PCDH15: variants seen among roughly 807,000 people sequenced by gnomAD.
The protein encoded by PCDH15 is protocadherin-15.
In PCDH15, 129 loss-of-function variants were observed where a neutral mutation model predicts 178.5. The ratio of observed to expected loss-of-function variants is 0.72; its 90% confidence interval spans 0.63 to 0.84. The LOEUF (loss-of-function observed/expected upper bound fraction) is 0.84. Among genes scored for constraint, PCDH15 ranks in the 40% least tolerant of loss-of-function variants. The pLI is 0.00. For missense variants in PCDH15, 2,230 were observed against 2,099.9 expected (o/e 1.06, Z -1.21); for synonymous variants, 800 against 732.0 (o/e 1.09, Z -1.50).
intron 1 of PCDH15, among the ~76,000 whole-genome samples, chr10:54,732,294 A>G (rs1206281081): frequency 5.9e-5 from 9 of 151,368 alleles, no homozygotes; most frequent in African/African-American, 2.2e-4. Flanking sequence ...AGAGCCAGAG[A>G]CAGAGCAAGT....
At chr10:54,361,689 G>A (rs934311351) in intron 5 of PCDH15, among the ~76,000 whole-genome samples, 2 of 151,822 alleles carry the variant, frequency 1.3e-5, no homozygotes, top group African/African-American at 4.8e-5. Context: ...ACTGAACCTT[G>A]AACATGATTA....
chr10:54,079,965 T>A (rs911071496), intron 16 of PCDH15, among the ~76,000 whole-genome samples: 14 of 152,130 alleles, frequency 9.2e-5, no homozygotes, highest in Non-Finnish European at 2.1e-4. Context: ...GAAAATAGAA[T>A]TTTTTCAAAT....
Position 54,137,585 on chromosome 10 carries a change from T to C in PCDH15, c.1785-4578A>G, listed in dbSNP as rs543997497. On this transcript the variant is annotated intron_variant, in intron 14 of 37. Transcript: ENST00000644397. ...AACTGAAACTCACCAGATCACCACATCCGATGAGATGCCAGACCCGTCATT... is the reference window on the plus strand; with the variant it reads ...AACTGAAACTCACCAGATCACCACACCCGATGAGATGCCAGACCCGTCATT... 2.0e-5 allele frequency among the ~76,000 whole-genome samples: 3 copies of C among 152,190 alleles called. No homozygotes were observed. The East Asian group carries it at 5.8e-4, about 29-fold the overall frequency.
rs113195328 is a variant in PCDH15, at chr10:55,236,969, A to G, written c.-155-70318T>C. 4.1e-3 allele frequency among the ~76,000 whole-genome samples: 631 copies of G among 152,208 alleles called. 9 individuals are homozygous for G. The highest frequency in any genetic ancestry group is 0.014 in the African/African-American group (588 of 41,582). On this transcript the variant is annotated intron_variant, in intron 1 of 5. Coordinates refer to the PCDH15 transcript ENST00000458638. ...TTCTATTCAAAAGTCACGTGTACGC[A>G]TCACTGGATCTTATTTTGCAACAGT...
intron 1 of PCDH15, among the ~76,000 whole-genome samples, chr10:54,739,048 G>C (rs1212898827): frequency 6.6e-6 from 1 of 151,910 alleles, no homozygotes; most frequent in Non-Finnish European, 1.5e-5. Flanking sequence ...ACACAGCATT[G>C]GAAGTTCTAG....
At chr10:55,307,119 T>C (rs934679590) in intron 1 of PCDH15, among the ~76,000 whole-genome samples, 3 of 152,016 alleles carry the variant, frequency 2.0e-5, no homozygotes, top group African/African-American at 4.8e-5. Context: ...ATTTTATATA[T>C]AACTTTTATA....
At chr10:54,271,170 A>C (rs1358207686) in intron 8 of PCDH15, among the ~76,000 whole-genome samples, 1 of 151,982 alleles carries the variant, frequency 6.6e-6, no homozygotes, top group Non-Finnish European at 1.5e-5. Context: ...TAAATTTTAA[A>C]ATTGTTTATA....
intron 1 of PCDH15, among the ~76,000 whole-genome samples, chr10:54,666,789 C>G (rs2094579336): frequency 6.6e-6 from 1 of 151,964 alleles, no homozygotes; most frequent in Non-Finnish European, 1.5e-5. Flanking sequence ...AGTTGTGTTC[C>G]TGTGTGGGTC....
intron 1 of PCDH15, among the ~76,000 whole-genome samples, chr10:54,782,035 C>T (rs1950407383): frequency 6.6e-6 from 1 of 151,972 alleles, no homozygotes; most frequent in African/African-American, 2.4e-5. Flanking sequence ...TTAAAAAAAG[C>T]AAAATACATT....
At chr10:54,615,389 G>C (rs904501187) in intron 2 of PCDH15, among the ~76,000 whole-genome samples, 16 of 151,952 alleles carry the variant, frequency 1.1e-4, no homozygotes, top group African/African-American at 3.6e-4. Context: ...TTGTAGAATT[G>C]GGCAAGAAAT....
At chr10:55,491,531 G>T (rs965940108) in intron 2 of PCDH15, among the ~76,000 whole-genome samples, 2 of 151,622 alleles carry the variant, frequency 1.3e-5, no homozygotes, top group African/African-American at 4.8e-5. Flanking sequence ...CCAGAAAAAT[G>T]AGTCTGGCCT....
intron 2 of PCDH15, among the ~76,000 whole-genome samples, chr10:55,542,340 A>C (rs919651703): frequency 5.3e-5 from 8 of 150,880 alleles, no homozygotes; most frequent in African/African-American, 1.5e-4. Flanking sequence ...TGCCCCTTGA[A>C]TATATGTTAG....
Position 55,583,888 on chromosome 10 carries a change from G to T in PCDH15, c.-156+43737C>A, listed in dbSNP as rs1490650360. 5.9e-5 allele frequency among the ~76,000 whole-genome samples: 9 copies of T among 151,490 alleles called. No individual in the cohort carries two copies. The East Asian group carries it at 1.8e-3, about 29-fold the overall frequency. On this transcript the variant is annotated intron_variant, in intron 2 of 5. Transcript: ENST00000613346. The stretch of plus-strand genomic sequence containing the variant: ...TATTTTATATATATACAATTTTTTT[G>T]TTTGTTTCAGACGGGGTCTTGCTTT...
intron 2 of PCDH15, among the ~76,000 whole-genome samples, chr10:55,060,590 C>T (rs1431186268): frequency 6.6e-6 from 1 of 151,784 alleles, no homozygotes; most frequent in South Asian, 2.1e-4. Context: ...ATTCATATTT[C>T]TCTGAATTTC....
At chr10:54,318,751 C>T (rs571133222) in intron 7 of PCDH15, among the ~76,000 whole-genome samples, 4 of 152,148 alleles carry the variant, frequency 2.6e-5, no homozygotes, top group South Asian at 2.1e-4. Context: ...GATTCAACTG[C>T]GGTTATGTGA....
chr10:55,300,145 C>A (rs951406159), intron 1 of PCDH15, among the ~76,000 whole-genome samples: 2 of 152,100 alleles, frequency 1.3e-5, no homozygotes, highest in Admixed American at 1.3e-4. Context: ...CACTTGTTAT[C>A]CAGAGTTTAC....
intron 2 of PCDH15, among the ~76,000 whole-genome samples, chr10:54,603,718 G>A (rs1258237407): frequency 1.3e-5 from 2 of 151,812 alleles, no homozygotes; most frequent in South Asian, 2.1e-4. Context: ...CAGAACCGAG[G>A]TTAATGAAAA....
chr10:53,810,546 C>T lies in PCDH15; in HGVS notation c.4671+10G>A, dbSNP rs1488293479. On this transcript the variant is annotated intron_variant, in intron 37 of 37. Transcript: ENST00000644397. ...AATATTATCTTACATAATAAAATTA[C>T]AGTAATTACCTCTTCCTCCTCATAT... The T allele has an allele frequency of 1.9e-6, 3 of 1,604,634 alleles. No homozygotes were observed. In the Admixed American group the frequency reaches 5.0e-5, roughly 27 times the overall value.
At chr10:54,013,707 G>T (rs756898830) in intron 20 of PCDH15, among the ~76,000 whole-genome samples, 1 of 152,078 alleles carries the variant, frequency 6.6e-6, no homozygotes, top group Admixed American at 6.5e-5. Flanking sequence ...TCAAACTAAT[G>T]AAAACAAAGA....
Sources: allele counts gnomAD v4.1 joint callset (sites outside exome capture counted in the v4.1 genomes callset), GRCh38; gene constraint gnomAD v4.1.1; transcripts MANE v1.5; gene names NCBI Gene and HGNC (gene_info 2026-07-23, HGNC 2026-07-21).